The following HOXC4 variants were observed in gnomAD, a reference collection of about 807,000 sequenced individuals.
The protein encoded by HOXC4 is homeobox C4.
HOXC4 carries 15 observed loss-of-function variants against 25.5 expected under a neutral mutation model. The observed-to-expected ratio is 0.59, with a 90% CI of 0.39 to 0.91. The LOEUF (loss-of-function observed/expected upper bound fraction) is 0.91, where lower values mean the gene tolerates loss of function less well. HOXC4 is among the 40% of genes least tolerant of loss of function. HOXC4 has a pLI of 0.00. For synonymous variants in HOXC4, 165 were observed against 148.0 expected, an observed-to-expected ratio of 1.11 and a Z score of -0.83; for missense variants, 342 against 352.4, an observed-to-expected ratio of 0.97 and a Z score of 0.24.
chr12:54,024,005 G>A (rs924624698), intron 1 of HOXC4, among the ~76,000 whole-genome samples: 6 of 152,204 alleles, frequency 3.9e-5, no homozygotes, highest in African/African-American at 1.4e-4. Context: ...GGCATTTGGA[G>A]TAGAATTTAT....
chr12:54,040,651 A>G (rs930764382), intron 1 of HOXC4, among the ~76,000 whole-genome samples: 9 of 152,220 alleles, frequency 5.9e-5, no homozygotes, highest in African/African-American at 1.7e-4. Context: ...TTGTAGTTGT[A>G]GACTCTAAAT....
upstream of HOXC4, among the ~76,000 whole-genome samples, chr12:54,051,442 C>T (rs966775386): frequency 3.3e-5 from 5 of 151,778 alleles, no homozygotes; most frequent in African/African-American, 1.2e-4. Flanking sequence ...CCCCACACAA[C>T]CCAAACCACT....
intron 1 of HOXC4, chr12:54,022,363 C>T (rs1289446388): frequency 6.6e-6 from 1 of 152,174 alleles, no homozygotes; most frequent in Non-Finnish European, 1.5e-5. Flanking sequence ...TGCCCCTTTG[C>T]TAAAGATCCT....
chr12:54,052,027 T>A (rs903053535), upstream of HOXC4, among the ~76,000 whole-genome samples: 10 of 152,218 alleles, frequency 6.6e-5, no homozygotes, highest in Admixed American at 3.9e-4. Context: ...AACCCTCAAA[T>A]AGTTGTTATG....
At chr12:54,033,997 G>T in intron 1 of HOXC4, 1 of 645,970 alleles carries the variant, frequency 1.5e-6, no homozygotes, top group Non-Finnish European at 2.9e-6. Flanking sequence ...TCTCGAGGGT[G>T]CTTATTGTTC....
chr12:54,018,314 A>G (rs370201010), intron 1 of HOXC4, among the ~76,000 whole-genome samples: 296 of 151,926 alleles, frequency 1.9e-3, no homozygotes, highest in Admixed American at 3.7e-3. Context: ...CTCGCCACGC[A>G]TGGCTGCTCT....
chr12:54,055,297 T>C lies in HOXC4; in HGVS notation c.*92T>C. 3.9e-6 allele frequency: 1 copy of C among 259,476 alleles called. No homozygotes were observed. The highest frequency in any genetic ancestry group is 1.2e-3 in the Middle Eastern group (1 of 858). 16.1% of individuals were successfully genotyped at this position (259,476 alleles called of 1,614,324 possible). On this transcript the variant is annotated 3_prime_UTR_variant, in exon 2 of 2. Transcript: ENST00000430889. ...ATTTATAGAATTTAATATATATATA[T>C]ATATATATATATATAGGTTCTTTTC...
upstream of HOXC4, among the ~76,000 whole-genome samples, chr12:54,053,655 C>A (rs1433861512): frequency 6.6e-6 from 1 of 152,052 alleles, no homozygotes; most frequent in African/African-American, 2.4e-5. Context: ...GCGGGATGTG[C>A]ACTGGGGGCA....
chr12:54,034,519 C>T (rs1360720116), intron 1 of HOXC4: 1 of 1,579,396 alleles, frequency 6.3e-7, no homozygotes, highest in Admixed American at 1.7e-5. Context: ...CCGCAGAGCG[C>T]GCCCCTAGCC....
chr12:54,045,597 T>C (rs1937683061), intron 1 of HOXC4, among the ~76,000 whole-genome samples: 1 of 152,202 alleles, frequency 6.6e-6, no homozygotes, highest in Admixed American at 6.5e-5. Context: ...AACTTACATG[T>C]TTGAACATAT....
At chr12:54,018,754 C>T (rs1940284225) in intron 1 of HOXC4, among the ~76,000 whole-genome samples, 1 of 152,182 alleles carries the variant, frequency 6.6e-6, no homozygotes, top group South Asian at 2.1e-4. Context: ...CAGACACACC[C>T]GGAGGCGTGG....
chr12:54,027,622 T>C (rs538121014), intron 1 of HOXC4, among the ~76,000 whole-genome samples: 2 of 147,358 alleles, frequency 1.4e-5, no homozygotes, highest in South Asian at 4.3e-4. Context: ...TTACTTCTTT[T>C]TCTCCTTTTT....
At chr12:54,051,330 A>C (rs190133249), upstream of HOXC4, among the ~76,000 whole-genome samples, 17 of 151,940 alleles carry the variant, frequency 1.1e-4, no homozygotes, top group Admixed American at 2.0e-4. Flanking sequence ...GCCATCTGGG[A>C]CTACAGTTCA....
At position 54,024,425 on chromosome 12, in the gene HOXC4, G is replaced by T. The variant is rs117846896; in HGVS notation, c.-124+7011G>T. On this transcript the variant is annotated intron_variant, in intron 1 of 3. Coordinates refer to the HOXC4 transcript ENST00000303406. The stretch of plus-strand genomic sequence containing the variant: ...GGAGTATGTGTATCTGTGTGCGAGG[G>T]TTGGTGAGTTACAAACATCCGCGCA... 4.8e-4 allele frequency among the ~76,000 whole-genome samples: 73 copies of T among 152,306 alleles called. 1 individual carries two copies. In the East Asian group the frequency reaches 0.014, roughly 29 times the overall value.
At chr12:54,030,156 C>A in intron 1 of HOXC4, 1 of 545,364 alleles carries the variant, frequency 1.8e-6, no homozygotes, top group South Asian at 3.1e-5. Context: ...TCTTTCACCA[C>A]GCGCCTCCTC....
At chr12:54,043,924 G>C (rs1276046454) in intron 1 of HOXC4, among the ~76,000 whole-genome samples, 1 of 78,896 alleles carries the variant, frequency 1.3e-5, no homozygotes, top group Non-Finnish European at 2.8e-5. Flanking sequence ...CAGGCTGTGT[G>C]TGTGTGTGTG....
At chr12:54,033,473 G>A (rs1368005392) in intron 1 of HOXC4, 2 of 1,596,590 alleles carry the variant, frequency 1.3e-6, no homozygotes, top group Non-Finnish European at 1.7e-6. Flanking sequence ...GCAGTGGGGA[G>A]ATCAAAGAGG....
At chr12:54,022,943 C>T (rs1480582093) in intron 1 of HOXC4, among the ~76,000 whole-genome samples, 1 of 152,208 alleles carries the variant, frequency 6.6e-6, no homozygotes, top group African/African-American at 2.4e-5. Context: ...ATTGCGGCTT[C>T]TTCCTCATGT....
chr12:54,026,717 G>A (rs933389542), intron 1 of HOXC4, among the ~76,000 whole-genome samples: 20 of 152,232 alleles, frequency 1.3e-4, no homozygotes, highest in African/African-American at 4.8e-4. Flanking sequence ...GTCTCCACCA[G>A]CTCCTGCACA....
Sources: allele counts gnomAD v4.1 joint callset (sites outside exome capture counted in the v4.1 genomes callset), GRCh38; gene constraint gnomAD v4.1.1; transcripts MANE v1.5; gene names NCBI Gene and HGNC (gene_info 2026-07-23, HGNC 2026-07-21).